GRIN2A: variants seen among roughly 807,000 people sequenced by gnomAD.
The protein encoded by GRIN2A is glutamate receptor ionotropic, NMDA 2A.
Under a neutral mutation model 113.4 loss-of-function variants are expected in GRIN2A, and 22 were observed. The ratio of observed to expected loss-of-function variants is 0.19; its 90% CI spans 0.14 to 0.28. The LOEUF is 0.28. Ranked by LOEUF, GRIN2A falls within the 10% of genes least tolerant of loss-of-function variation. The pLI is 1.00. For missense variants in GRIN2A, 1,502 were observed against 1,887.0 expected, an observed-to-expected ratio of 0.80 and a Z score of 3.78; for synonymous variants, 827 against 738.4, an observed-to-expected ratio of 1.12 and a Z score of -1.94.
At chr16:10,129,259 G>A (rs1201482894) in intron 2 of GRIN2A, among the ~76,000 whole-genome samples, 1 of 151,810 alleles carries the variant, frequency 6.6e-6, no homozygotes, top group Non-Finnish European at 1.5e-5. Context: ...TTAGTTTTTA[G>A]TAGAGACAAA....
intron 11 of GRIN2A, among the ~76,000 whole-genome samples, chr16:9,795,808 G>C (rs1322761292): frequency 6.6e-6 from 1 of 152,330 alleles, no homozygotes; most frequent in African/African-American, 2.4e-5. Context: ...AAATGGGACA[G>C]TAGATTTAGT....
chr16:10,119,027 C>T (rs928336582), intron 2 of GRIN2A, among the ~76,000 whole-genome samples: 1 of 152,160 alleles, frequency 6.6e-6, no homozygotes, highest in African/African-American at 2.4e-5. Context: ...AAATCTAGGT[C>T]CCTGAATCAC....
intron 2 of GRIN2A, among the ~76,000 whole-genome samples, chr16:9,940,041 A>AG (rs1491494416): frequency 7.5e-4 from 103 of 138,048 alleles, no homozygotes; most frequent in African/African-American, 2.4e-3. Context: ...AGAGAGAGAG[A>AG]AAGAGAGAGA....
At chr16:9,974,761 A>G (rs1487622948) in intron 2 of GRIN2A, among the ~76,000 whole-genome samples, 2 of 152,226 alleles carry the variant, frequency 1.3e-5, no homozygotes, top group Non-Finnish European at 2.9e-5. Context: ...TGTGATCCCT[A>G]GAGCAATCAC....
At chr16:9,833,624 C>G (rs1398531898) in intron 8 of GRIN2A, among the ~76,000 whole-genome samples, 1 of 152,326 alleles carries the variant, frequency 6.6e-6, no homozygotes, top group South Asian at 2.1e-4. Flanking sequence ...TTTGTTTTAT[C>G]CATCAGTTGA....
chr16:9,889,282 C>T (rs1452130621), intron 4 of GRIN2A, among the ~76,000 whole-genome samples: 13 of 152,010 alleles, frequency 8.6e-5, no homozygotes, highest in Admixed American at 8.5e-4. Context: ...TCTTTTAATG[C>T]CTGTAGGATC....
intron 12 of GRIN2A, 145 bp downstream of exon 12, chr16:9,768,706 A>G: frequency 1.3e-6 from 1 of 761,810 alleles, no homozygotes; most frequent in Non-Finnish European, 2.4e-6. Flanking sequence ...CTGGCTTATG[A>G]ATGCACAAAA....
chr16:10,039,805 G>GGA (rs1449499464), intron 2 of GRIN2A, among the ~76,000 whole-genome samples: 1 of 108,442 alleles, frequency 9.2e-6, no homozygotes, highest in African/African-American at 3.4e-5. Flanking sequence ...AGGGGGAGGG[G>GGA]GGGGAGAAAG....
chr16:9,806,759 AAG>A (rs879408771), intron 10 of GRIN2A, among the ~76,000 whole-genome samples: 1 of 152,088 alleles, frequency 6.6e-6, no homozygotes, highest in African/African-American at 2.4e-5. Flanking sequence ...GCAAGAAACT[AAG>A]AGAAAAAAGG....
intron 2 of GRIN2A, among the ~76,000 whole-genome samples, chr16:10,141,249 G>C (rs796322617): frequency 2.0e-5 from 3 of 152,150 alleles, no homozygotes; most frequent in African/African-American, 7.2e-5. Flanking sequence ...CCAGCACTTT[G>C]GGAGGATAAG....
At chr16:10,116,581 G>A (rs188855479) in intron 2 of GRIN2A, among the ~76,000 whole-genome samples, 1 of 152,194 alleles carries the variant, frequency 6.6e-6, no homozygotes, top group African/African-American at 2.4e-5. Flanking sequence ...GCAAGAAACT[G>A]GGGGGACATG....
intron 2 of GRIN2A, among the ~76,000 whole-genome samples, chr16:10,038,363 C>T (rs1035532556): frequency 3.0e-4 from 45 of 152,280 alleles, no homozygotes; most frequent in African/African-American, 1.0e-3. Context: ...AACCACAGCA[C>T]TTTTCCTCCT....
At chr16:10,053,748 A>C (rs1046029465) in intron 2 of GRIN2A, among the ~76,000 whole-genome samples, 1 of 152,254 alleles carries the variant, frequency 6.6e-6, no homozygotes, top group African/African-American at 2.4e-5. Context: ...TAGTTGGTGC[A>C]AAAGTAATCG....
intron 10 of GRIN2A, among the ~76,000 whole-genome samples, chr16:9,817,551 A>G (rs909775066): frequency 2.0e-5 from 3 of 152,254 alleles, no homozygotes; most frequent in African/African-American, 7.2e-5. Flanking sequence ...CACAGATAAA[A>G]GAATCTCATG....
At chr16:10,179,273 G>A (rs897171998) in intron 2 of GRIN2A, among the ~76,000 whole-genome samples, 1 of 152,124 alleles carries the variant, frequency 6.6e-6, no homozygotes, top group African/African-American at 2.4e-5. Flanking sequence ...CTTCATCTGA[G>A]GGCCTTGGAG....
intron 10 of GRIN2A, among the ~76,000 whole-genome samples, chr16:9,803,691 C>T (rs989425685): frequency 3.9e-5 from 6 of 152,110 alleles, no homozygotes; most frequent in Non-Finnish European, 5.9e-5. Flanking sequence ...CATACTACTG[C>T]CATCCCCATT....
intron 5 of GRIN2A, among the ~76,000 whole-genome samples, chr16:9,848,271 A>G (rs961840205): frequency 6.6e-6 from 1 of 151,076 alleles, no homozygotes; most frequent in African/African-American, 2.4e-5. Flanking sequence ...GCTGGAGTGT[A>G]GTGGCTCGAT....
chr16:10,145,121 A>C (rs1288289816), intron 2 of GRIN2A, among the ~76,000 whole-genome samples: 1 of 152,172 alleles, frequency 6.6e-6, no homozygotes. Flanking sequence ...CATACAGGAT[A>C]TCTAAAATAG....
chr16:9,765,937 C>G (rs1596379031), intron 12 of GRIN2A, among the ~76,000 whole-genome samples: 1 of 152,180 alleles, frequency 6.6e-6, no homozygotes, highest in Non-Finnish European at 1.5e-5. Flanking sequence ...CTCTTTCTTT[C>G]TTTTAGAAAA....
Sources: gnomAD v4.1 joint callset for allele counts (sites outside exome capture counted in the v4.1 genomes callset) on GRCh38, gnomAD v4.1.1 for gene constraint, MANE v1.5 for transcripts, NCBI Gene and HGNC (gene_info 2026-07-23, HGNC 2026-07-21) for gene names.